BMS1: variants seen among roughly 807,000 people sequenced by gnomAD.
BMS1 encodes the protein ribosome biogenesis protein BMS1 homolog.
BMS1 carries 53 observed loss-of-function variants against 138.7 expected under a neutral mutation model. That is an observed-to-expected ratio of 0.38 (90% confidence interval 0.31 to 0.48). The LOEUF is 0.48. BMS1 is among the 20% of genes least tolerant of loss of function. The pLI is 0.97. For missense variants in BMS1, 1,360 were observed against 1,565.5 expected, an observed-to-expected ratio of 0.87 and a Z score of 2.22; for synonymous variants, 504 against 539.9, an observed-to-expected ratio of 0.93 and a Z score of 0.92.
chr10:42,793,825 C>A, intron 8 of BMS1, 27 bp from the exon 9 acceptor site: 1 of 1,596,274 alleles, frequency 6.3e-7, no homozygotes, highest in South Asian at 1.1e-5. Context: ...GCTTTCCTCA[C>A]GTGCCCTTTC....
intron 13 of BMS1, among the ~76,000 whole-genome samples, chr10:42,806,754 A>AAG (rs1842022316): frequency 6.6e-6 from 1 of 152,026 alleles, no homozygotes; most frequent in African/African-American, 2.4e-5. Context: ...AAAAAAAAAA[A>AAG]AAAAATCACC....
chr10:42,810,482 C>A (rs1003768676), intron 13 of BMS1, among the ~76,000 whole-genome samples: 3 of 151,992 alleles, frequency 2.0e-5, no homozygotes, highest in Admixed American at 6.6e-5. Flanking sequence ...GTACTGTCTT[C>A]ATCTGGTTTT....
At chr10:42,811,765 C>T (rs1842191905) in intron 13 of BMS1, among the ~76,000 whole-genome samples, 1 of 151,558 alleles carries the variant, frequency 6.6e-6, no homozygotes. Flanking sequence ...ACCTCGTGAT[C>T]CGCCCGCCTC....
At chr10:42,807,492 A>G (rs1174026160) in intron 13 of BMS1, among the ~76,000 whole-genome samples, 11 of 152,048 alleles carry the variant, frequency 7.2e-5, no homozygotes, top group Non-Finnish European at 1.2e-4. Flanking sequence ...TTGTTTTCAG[A>G]CAGGGTCTTG....
intron 22 of BMS1, 76 bp downstream of exon 22, chr10:42,830,498 C>A: frequency 6.6e-7 from 1 of 1,516,986 alleles, no homozygotes; most frequent in South Asian, 1.3e-5. Context: ...CTTCCTGTTT[C>A]TACTGTAGTC....
At chr10:42,807,024 C>A (rs1842031857) in intron 13 of BMS1, among the ~76,000 whole-genome samples, 2 of 152,070 alleles carry the variant, frequency 1.3e-5, no homozygotes, top group South Asian at 4.1e-4. Flanking sequence ...TAGATTTCTC[C>A]AGTTTCACTT....
intron 11 of BMS1, among the ~76,000 whole-genome samples, chr10:42,798,024 A>G (rs1841743140): frequency 6.6e-6 from 1 of 152,228 alleles, no homozygotes; most frequent in African/African-American, 2.4e-5. Flanking sequence ...GGTGAGATCA[A>G]GGCCACATGG....
intron 4 of BMS1, among the ~76,000 whole-genome samples, chr10:42,789,215 C>T (rs1211420138): frequency 8.5e-5 from 13 of 152,230 alleles, no homozygotes; most frequent in Non-Finnish European, 2.9e-5. Context: ...CCCCCTGGCA[C>T]TCTGTGGCAT....
chr10:42,792,455 G>A, intron 6 of BMS1, 38 bp from the exon 7 acceptor site: 1 of 1,604,848 alleles, frequency 6.2e-7, no homozygotes, highest in East Asian at 2.2e-5. Context: ...AGGAACTTTT[G>A]GCATTCATTT....
At chr10:42,818,543 G>T (rs1233621614) in intron 15 of BMS1, among the ~76,000 whole-genome samples, 1 of 152,212 alleles carries the variant, frequency 6.6e-6, no homozygotes, top group Non-Finnish European at 1.5e-5. Context: ...TGGACTGAAT[G>T]TGGGGTGTGT....
At chr10:42,815,835 A>G (rs1397796332) in intron 13 of BMS1, among the ~76,000 whole-genome samples, 16 of 152,226 alleles carry the variant, frequency 1.1e-4, no homozygotes, top group Non-Finnish European at 2.4e-4. Context: ...CTTAATCTAA[A>G]TGCTATGTTT....
intron 4 of BMS1, among the ~76,000 whole-genome samples, chr10:42,787,853 G>A (rs1034742571): frequency 1.1e-4 from 16 of 152,076 alleles, no homozygotes; most frequent in African/African-American, 3.6e-4. Context: ...CTCAGTGTAT[G>A]GAAAATGTAA....
intron 13 of BMS1, among the ~76,000 whole-genome samples, chr10:42,809,071 T>G (rs1219570452): frequency 6.6e-6 from 1 of 152,228 alleles, no homozygotes; most frequent in Non-Finnish European, 1.5e-5. Context: ...GGGATTGCAT[T>G]AAACCTATAG....
chr10:42,814,159 C>T (rs1431598050), intron 13 of BMS1, among the ~76,000 whole-genome samples: 7 of 152,212 alleles, frequency 4.6e-5, no homozygotes, highest in African/African-American at 1.4e-4. Context: ...ATGTGGGAAG[C>T]GTCAGGAATT....
Position 42,791,898 on chromosome 10 carries a change from A to G in BMS1, c.779+129A>G, listed in dbSNP as rs1456203467. On this transcript the variant is annotated intron_variant, in intron 6 of 22. Coordinates refer to ENST00000374518, the MANE Select transcript of BMS1 (RefSeq NM_014753.4). ...GGGGGGATAGAAGTGTAGTTGATGG[A>G]AAATGTCTACTTATATCATTGCTCA... The G allele has an allele frequency of 2.2e-5, 26 of 1,175,130 alleles. No homozygotes were observed. The Admixed American group carries it at 6.1e-4, about 28-fold the overall frequency. The allele number at this position is 1,175,130 out of a possible 1,614,324, so 72.8% of individuals were successfully genotyped here. A position where few individuals can be genotyped will look rare whatever the true frequency, so the allele number is the denominator to read the frequency against.
chr10:42,834,003 C>T lies in BMS1; in HGVS notation c.*2907C>T, dbSNP rs1403315138. 6.6e-6 allele frequency: 1 copy of T among 152,148 alleles called. No individual in the cohort carries two copies. Among genetic ancestry groups the T allele is most frequent in the Non-Finnish European group, 1.5e-5 (1 of 68,026 alleles). The allele number at this position is 152,148 out of a possible 1,614,324, so 9.4% of individuals were successfully genotyped here. ...GCTATGCAAAGTAAGCATTTGCCCT[C>T]TGAAATATTTTAACAATGTTTATAG... On this transcript the variant is annotated 3_prime_UTR_variant, in exon 23 of 23. Transcript: ENST00000374518.
intron 21 of BMS1, among the ~76,000 whole-genome samples, chr10:42,830,003 A>G (rs1465593974): frequency 6.6e-6 from 1 of 152,186 alleles, no homozygotes; most frequent in Non-Finnish European, 1.5e-5. Flanking sequence ...GTTCCATACC[A>G]TAGAAATGGG....
chr10:42,799,256 C>T (rs1467463888), intron 12 of BMS1, among the ~76,000 whole-genome samples: 4 of 152,118 alleles, frequency 2.6e-5, no homozygotes, highest in South Asian at 2.1e-4. Context: ...ACTATAGGCA[C>T]GAGCCACCAG....
intron 20 of BMS1, 55 bp from the exon 21 acceptor site, chr10:42,823,554 A>G (rs1842560666): frequency 2.1e-6 from 3 of 1,432,548 alleles, no homozygotes; most frequent in Admixed American, 2.3e-5. Flanking sequence ...TTTCTTCGCA[A>G]TATGGATATG....
Sources: allele counts gnomAD v4.1 joint callset (sites outside exome capture counted in the v4.1 genomes callset), GRCh38; gene constraint gnomAD v4.1.1; transcripts MANE v1.5; gene names NCBI Gene and HGNC (gene_info 2026-07-23, HGNC 2026-07-21).